PLCG1: variants seen among roughly 807,000 people sequenced by gnomAD.
The protein encoded by PLCG1 is 1-phosphatidylinositol 4,5-bisphosphate phosphodiesterase gamma-1.
In PLCG1, 71 loss-of-function variants were observed where a neutral mutation model predicts 177.8. The observed-to-expected ratio is 0.40, with a 90% CI of 0.33 to 0.49. The LOEUF is 0.49. Among genes scored for constraint, PLCG1 ranks in the 20% least tolerant of loss-of-function variants. The pLI is 0.72. For synonymous variants in PLCG1, 658 were observed against 647.9 expected (o/e 1.02, Z -0.24); for missense variants, 1,281 against 1,709.0 (o/e 0.75, Z 4.42).
In PLCG1 at chr20:41,160,135, A is replaced by T. The variant is rs933312493; in HGVS notation, c.494A>T (p.Asp165Val). 4 of 1,614,074 alleles carry T rather than the reference A, an allele frequency of 2.5e-6. No individual in the cohort carries two copies. The South Asian group carries it at 4.4e-5, about 18-fold the overall frequency. ...CTCCGGAAGCAGTTTTACTCAGTGG[A>T]TCGGAATCGTGAGGATCGGTAAGTA... is the stretch of plus-strand genomic sequence containing the variant. ...RWLRKQFYSV[D>V]RNREDRISAK... The change falls in exon 4 of 32, where the codon GAT (aspartate) becomes GTT (valine). Residue 165 changes from aspartate to valine, a missense_variant. Asp to Val is a radical substitution (Grantham distance 152). This residue lies in a region of PLCG1 where 374 missense variants were observed against 443.8 expected (regional missense o/e 0.84). Transcript: ENST00000685551. This position sits in a 1 kb window ranked among gnomAD's most constrained non-coding sequence, Gnocchi z 5.5.
At chr20:41,168,926 C>T in intron 21 of PLCG1, 56 bp downstream of exon 21, 1 of 1,290,674 alleles carries the variant, frequency 7.7e-7, no homozygotes, top group Non-Finnish European at 1.1e-6. Flanking sequence ...AGCTGGGGCC[C>T]CAAAGACATG....
Position 41,163,012 on chromosome 20 carries a change from G to A in PLCG1, c.716+20G>A, listed in dbSNP as rs1471354595. 6.2e-7 allele frequency: 1 copy of A among 1,612,748 alleles called. No individual in the cohort carries two copies. Among genetic ancestry groups the A allele is most frequent in the East Asian group, 2.2e-5 (1 of 44,878 alleles). On this transcript the variant is annotated intron_variant, in intron 7 of 31. Coordinates refer to ENST00000685551, the MANE Select transcript of PLCG1 (RefSeq NM_002660.3). This position sits in a 1 kb window ranked among gnomAD's most constrained non-coding sequence, Gnocchi z 5.2. Reference sequence around the variant, plus strand: ...TCTGAGGTTTGGTTTGGAGTGGGGAGGTGGGGTTTTCCCTGGGCCCCCTTC... The same window carrying A: ...TCTGAGGTTTGGTTTGGAGTGGGGAAGTGGGGTTTTCCCTGGGCCCCCTTC...
chr20:41,148,612 CTTA>C lies in PLCG1; in HGVS notation c.217+10758_217+10760del, dbSNP rs2035069089. Among the ~76,000 whole-genome samples, 1 of 152,124 alleles carries C rather than the reference CTTA, an allele frequency of 6.6e-6. No individual in the cohort carries two copies. The highest frequency in any genetic ancestry group is 1.5e-5 in the Non-Finnish European group (1 of 68,022). ...TTTTCTTGAATAAGGTCCCCAAAAC[CTTA>C]TTAAGTTCCTGGTAGGCATGGAGCA... On this transcript the variant is annotated intron_variant, in intron 1 of 31. Coordinates refer to ENST00000685551, the MANE Select transcript of PLCG1 (RefSeq NM_002660.3). This position sits in a 1 kb window ranked among gnomAD's most constrained non-coding sequence, Gnocchi z 4.3.
intron 1 of PLCG1, among the ~76,000 whole-genome samples, chr20:41,138,257 C>G (rs1054670649): frequency 6.6e-6 from 1 of 151,928 alleles, no homozygotes; most frequent in Non-Finnish European, 1.5e-5. Context: ...ACGGTCCCCG[C>G]CCACTCTTTA....
chr20:41,159,765 G>C lies in PLCG1; in HGVS notation c.370+7G>C, dbSNP rs749864424. 6.2e-7 allele frequency: 1 copy of C among 1,614,218 alleles called. No individual in the cohort carries two copies. Among genetic ancestry groups the C allele is most frequent in the Non-Finnish European group, 8.5e-7 (1 of 1,180,034 alleles). On this transcript the variant is annotated splice_region_variant and intron_variant, in intron 2 of 31. Transcript: ENST00000685551. The surrounding 1 kb of genome is among the most constrained non-coding windows in gnomAD (Gnocchi z 6.0). ...AAAACGCTGAGCCTGCAAGGTGGGA[G>C]TTAAGGGGGTAGAGGAGGTAGAGGA...
Position 41,166,799 on chromosome 20 carries a change from C to G in PLCG1, c.2241C>G (p.Tyr747Ter), listed in dbSNP as rs773218963. 2 of 1,614,140 alleles carry G rather than the reference C, an allele frequency of 1.2e-6. No homozygotes were observed. The highest frequency in any genetic ancestry group is 1.7e-5 in the Admixed American group (1 of 60,026). ...LISYYEKHPL[Y>*]RKMKLRYPIN... ...GCTACTATGAGAAACACCCGCTATA[C>G]CGCAAGATGAAGCTGCGCTATCCCA... Residue 747 changes from tyrosine (Y) to a stop codon, truncating the protein, a stop_gained, in exon 19 of 32, where the codon TAC becomes TAG. Transcript: ENST00000685551. LOFTEE classifies it high-confidence loss of function. This position sits in a 1 kb window ranked among gnomAD's most constrained non-coding sequence, Gnocchi z 8.6.
At position 41,173,654 on chromosome 20, in the gene PLCG1, G is replaced by A. The variant is rs1265321355; in HGVS notation, c.3397G>A (p.Asp1133Asn). ...GCCTTTTGTCGTTGCCTTCACAGTG[G>A]ACAATGGACTCAACCCTGTATGGCC... Reference protein sequence around the residue: ...STKQKTEFVVDNGLNPVWPAK... With the variant: ...STKQKTEFVVNNGLNPVWPAK... Residue 1133 changes from aspartate to asparagine, a missense_variant and splice_region_variant, in exon 29 of 32, where the codon GAC becomes AAC. Physicochemically the swap from Asp to Asn is conservative, Grantham distance 23. This residue lies in a region of PLCG1 where 723 missense variants were observed against 1,030.0 expected (regional missense o/e 0.70). Coordinates refer to ENST00000685551, the MANE Select transcript of PLCG1 (RefSeq NM_002660.3). This position sits in a 1 kb window ranked among gnomAD's most constrained non-coding sequence, Gnocchi z 6.2. The A allele has an allele frequency of 6.2e-7, 1 of 1,614,166 alleles. No individual in the cohort carries two copies. The highest frequency in any genetic ancestry group is 8.5e-7 in the Non-Finnish European group (1 of 1,180,018).
At position 41,164,318 on chromosome 20, in the gene PLCG1, CTTT is replaced by C; in HGVS notation, c.1217+118_1217+120del. ...TGTCCCCTCTCCCTCAGCCTTTCAT[CTTT>C]GTCCTTCCTCTTGGCCTCTCCTCGT... is the stretch of plus-strand genomic sequence containing the variant. On this transcript the variant is annotated intron_variant, in intron 12 of 31. Coordinates refer to ENST00000685551, the MANE Select transcript of PLCG1 (RefSeq NM_002660.3). This position sits in a 1 kb window ranked among gnomAD's most constrained non-coding sequence, Gnocchi z 6.4. 1.9e-6 allele frequency: 2 copies of C among 1,053,812 alleles called. No homozygotes were observed. The highest frequency in any genetic ancestry group is 1.4e-6 in the Non-Finnish European group (1 of 709,724). 65.3% of individuals were successfully genotyped at this position (1,053,812 alleles called of 1,614,324 possible).
rs1414636890 is a variant in PLCG1, at chr20:41,164,077, C to T, written c.1097-4C>T. On this transcript the variant is annotated splice_region_variant and splice_polypyrimidine_tract_variant and intron_variant, in intron 11 of 31. Transcript: ENST00000685551. This position sits in a 1 kb window ranked among gnomAD's most constrained non-coding sequence, Gnocchi z 6.4. ...CGCTTGACCATGGTGATGTTGCTCC[C>T]CAGTGGACTGCTGGGACGGCCCGGA... 1.9e-6 allele frequency: 3 copies of T among 1,614,160 alleles called. No homozygotes were observed. Among genetic ancestry groups the T allele is most frequent in the Non-Finnish European group, 2.5e-6 (3 of 1,180,016 alleles).
In PLCG1 at chr20:41,163,781, G is replaced by A. The variant is rs780274359; in HGVS notation, c.958G>A (p.Asp320Asn). 4 of 1,613,116 alleles carry A rather than the reference G, an allele frequency of 2.5e-6. No individual in the cohort carries two copies. The highest frequency in any genetic ancestry group is 3.4e-6 in the Non-Finnish European group (4 of 1,179,692). ...WNSQLDAVCP[D>N]TMNNPLSHYW... ...CTCGCAGCTGGATGCAGTATGCCCG[G>A]ACACCATGAACAACCCTCTTTCCCA... is the stretch of plus-strand genomic sequence containing the variant. Residue 320 changes from aspartate to asparagine, a missense_variant, in exon 10 of 32, where the codon GAC (aspartate) becomes AAC (asparagine). Around this residue, in one of 4 missense-constraint regions of PLCG1, gnomAD observed 374 missense variants for 443.8 expected, o/e 0.84. Transcript: ENST00000685551. The surrounding 1 kb of genome is among the most constrained non-coding windows in gnomAD (Gnocchi z 5.2).
At chr20:41,149,767 G>T (rs1285726016) in intron 1 of PLCG1, among the ~76,000 whole-genome samples, 1 of 152,182 alleles carries the variant, frequency 6.6e-6, no homozygotes, top group African/African-American at 2.4e-5. Flanking sequence ...AATGCAGGTA[G>T]GCCTGTAGCG....
At chr20:41,170,025 C>A in intron 23 of PLCG1, 87 bp from the exon 24 acceptor site, 1 of 1,218,306 alleles carries the variant, frequency 8.2e-7, no homozygotes, top group Non-Finnish European at 1.2e-6. Flanking sequence ...TGAGATAGAA[C>A]TCATTTGAGC....
At chr20:41,169,416 C>G in intron 22 of PLCG1, 41 bp from the exon 23 acceptor site, 2 of 1,454,910 alleles carry the variant, frequency 1.4e-6, no homozygotes, top group Non-Finnish European at 1.9e-6. Flanking sequence ...CACACATATG[C>G]AGTAGCCATG....
In PLCG1 at chr20:41,160,170, G is replaced by C. The variant is rs1267582020; in HGVS notation, c.512+17G>C. On this transcript the variant is annotated intron_variant, in intron 4 of 31. Transcript: ENST00000685551. This position sits in a 1 kb window ranked among gnomAD's most constrained non-coding sequence, Gnocchi z 5.5. ...TGAGGATCGGTAAGTACTGAGCTGTGGCTGTAGCCCAGCAGGGTGGGGATG... is the reference window on the plus strand; with the variant it reads ...TGAGGATCGGTAAGTACTGAGCTGTCGCTGTAGCCCAGCAGGGTGGGGATG... 1 of 1,612,706 alleles carries C rather than the reference G, an allele frequency of 6.2e-7. No individual in the cohort carries two copies. Among genetic ancestry groups the C allele is most frequent in the African/African-American group, 1.3e-5 (1 of 74,890 alleles).
At position 41,165,113 on chromosome 20, in the gene PLCG1, G is replaced by A. The variant is rs1345769330; in HGVS notation, c.1386+12G>A. The A allele has an allele frequency of 1.9e-6, 3 of 1,608,742 alleles. No individual in the cohort carries two copies. Among genetic ancestry groups the A allele is most frequent in the Non-Finnish European group, 2.5e-6 (3 of 1,176,528 alleles). On this transcript the variant is annotated intron_variant, in intron 13 of 31. Coordinates refer to ENST00000685551, the MANE Select transcript of PLCG1 (RefSeq NM_002660.3). The surrounding 1 kb of genome is among the most constrained non-coding windows in gnomAD (Gnocchi z 6.6). ...AGATCCTCATCAAGGTGGGGTGGCG[G>A]GCTTATTGCGGAAGCCCCACACTTC...
chr20:41,169,390 C>A, intron 22 of PLCG1, 67 bp from the exon 23 acceptor site: 1 of 1,254,654 alleles, frequency 8.0e-7, no homozygotes, highest in Non-Finnish European at 1.2e-6. Flanking sequence ...GTCCCATGCA[C>A]ACGGATATCC....
chr20:41,171,953 C>A (rs561751056), intron 24 of PLCG1, among the ~76,000 whole-genome samples: 1 of 152,322 alleles, frequency 6.6e-6, no homozygotes, highest in South Asian at 2.1e-4. Flanking sequence ...CCCACCCCCC[C>A]TAAGAGGGTT....
chr20:41,141,001 C>G (rs1021422166), intron 1 of PLCG1, among the ~76,000 whole-genome samples: 20 of 152,316 alleles, frequency 1.3e-4, no homozygotes, highest in African/African-American at 4.8e-4. Flanking sequence ...CCTTTGTGCT[C>G]AGACCATGCA....
At position 41,174,570 on chromosome 20, in the gene PLCG1, T is replaced by C; in HGVS notation, c.*61T>C. 1 of 1,464,836 alleles carries C rather than the reference T, an allele frequency of 6.8e-7. No homozygotes were observed. The highest frequency in any genetic ancestry group is 1.2e-5 in the South Asian group (1 of 82,384). The allele number at this position is 1,464,836 out of a possible 1,614,324, so 90.7% of individuals were successfully genotyped here. A position where few individuals can be genotyped will look rare whatever the true frequency, so the allele number is the denominator to read the frequency against. ...GTGCGCCTTGTAGAATGCCGCGAACTGGGTTCTTTGGAAGCAGCCCCCTGT... is the reference window on the plus strand; with the variant it reads ...GTGCGCCTTGTAGAATGCCGCGAACCGGGTTCTTTGGAAGCAGCCCCCTGT... On this transcript the variant is annotated 3_prime_UTR_variant, in exon 32 of 32. Coordinates refer to ENST00000685551, the MANE Select transcript of PLCG1 (RefSeq NM_002660.3). The surrounding 1 kb of genome is among the most constrained non-coding windows in gnomAD (Gnocchi z 5.8).
Sources: allele counts gnomAD v4.1 joint callset (sites outside exome capture counted in the v4.1 genomes callset), GRCh38; gene constraint gnomAD v4.1.1; regional missense constraint gnomAD v4.1.1; non-coding constraint Gnocchi (gnomAD v3.1); transcripts MANE v1.5; gene names NCBI Gene and HGNC (gene_info 2026-07-23, HGNC 2026-07-21).